Variants in FSCN2 observed in about 807,000 individuals in gnomAD.
The protein encoded by FSCN2 is fascin actin-bundling protein 2, retinal.
Under a neutral mutation model 37.8 loss-of-function variants are expected in FSCN2, and 46 were observed. The observed-to-expected ratio is 1.22, with a 90% CI of 0.96 to 1.56. The LOEUF (loss-of-function observed/expected upper bound fraction) is 1.56. FSCN2 is among the 40% of genes most tolerant of loss of function. The probability of loss-of-function intolerance (pLI) is 0.00; values close to 1 mark genes in which losing one functional copy is unlikely to be tolerated. For missense variants in FSCN2, 844 were observed against 730.4 expected, an observed-to-expected ratio of 1.16 and a Z score of -1.79; for synonymous variants, 351 against 309.4, an observed-to-expected ratio of 1.13 and a Z score of -1.41.
chr17:81,519,925 C>T, the FSCN2 span, among the ~76,000 whole-genome samples: 2 of 152,200 alleles, frequency 1.3e-5, no homozygotes, highest in Non-Finnish European at 2.9e-5. Flanking sequence ...TGCTAAGCAC[C>T]AGCTCCCAGA....
At chr17:81,515,136 C>T in the FSCN2 span, among the ~76,000 whole-genome samples, 1 of 151,706 alleles carries the variant, frequency 6.6e-6, no homozygotes, top group African/African-American at 2.4e-5. Flanking sequence ...GGCGGGCGGG[C>T]AGGGCGAGGC....
the FSCN2 span, among the ~76,000 whole-genome samples, chr17:81,517,884 T>G: frequency 6.6e-6 from 1 of 151,740 alleles, no homozygotes; most frequent in Non-Finnish European, 1.5e-5. Flanking sequence ...GAAACGGAGA[T>G]GAAACCGAGG....
the FSCN2 span, among the ~76,000 whole-genome samples, chr17:81,523,320 G>A: frequency 6.6e-5 from 10 of 152,304 alleles, no homozygotes; most frequent in East Asian, 1.3e-3. Flanking sequence ...CTGCCTTGCC[G>A]ATGGAGCCTG....
At chr17:81,525,067 C>T (rs2032310255), upstream of FSCN2, among the ~76,000 whole-genome samples, 1 of 152,134 alleles carries the variant, frequency 6.6e-6, no homozygotes, top group African/African-American at 2.4e-5. Context: ...CTGCCACTGG[C>T]CAAGATAGCG....
chr17:81,535,823 C>T (rs1250576516), intron 2 of FSCN2, among the ~76,000 whole-genome samples: 1 of 113,770 alleles, frequency 8.8e-6, no homozygotes. Flanking sequence ...CCATCACCAT[C>T]CCCCTCTCCA....
At chr17:81,521,837 A>T in the FSCN2 span, among the ~76,000 whole-genome samples, 1 of 152,200 alleles carries the variant, frequency 6.6e-6, no homozygotes, top group South Asian at 2.1e-4. Flanking sequence ...ATAACCACAG[A>T]ACAGTGATCA....
chr17:81,530,352 G>C (rs2032509789), intron 1 of FSCN2, among the ~76,000 whole-genome samples: 1 of 152,218 alleles, frequency 6.6e-6, no homozygotes, highest in African/African-American at 2.4e-5. Flanking sequence ...GCTCTCCCCA[G>C]TTCCCAGGTC....
In FSCN2 at chr17:81,536,243, C is replaced by T. The variant is rs202063383; in HGVS notation, c.1081C>T (p.Leu361=). The change falls in exon 3 of 5, where the codon CTG becomes TTG. Residue 361 remains leucine (L), a synonymous_variant. Transcript: ENST00000417245. Reference sequence around the variant, plus strand: ...CGTGTGCATGAAGAAGAATGGGCAGCTGGCGGCTATCAGCGATTTTGTCGG... The same window carrying T: ...CGTGTGCATGAAGAAGAATGGGCAGTTGGCGGCTATCAGCGATTTTGTCGG... ...RYVCMKKNGQ[L]AAISDFVGKD... The T allele has an allele frequency of 5.1e-5, 81 of 1,601,678 alleles. No homozygotes were observed. In the East Asian group the frequency reaches 1.7e-3, roughly 33 times the overall value.
At chr17:81,523,421 C>T (rs1283933456), upstream of FSCN2, among the ~76,000 whole-genome samples, 1 of 152,196 alleles carries the variant, frequency 6.6e-6, no homozygotes, top group Non-Finnish European at 1.5e-5. Flanking sequence ...GCAGCGGAGC[C>T]GATAGCTCAG....
In FSCN2 at chr17:81,536,948, CG is replaced by C. The variant is rs1568084144; in HGVS notation, c.1348del (p.Val450SerfsTer?). ...CSDGERAEDF[V>X]FEFRERGRLA... ...GCGACGGCGAACGCGCCGAGGACTT[CG>C]TCTTCGAGTTCCGTGAGCGCGGCCG... On this transcript the variant is annotated frameshift_variant, in exon 5 of 5. Coordinates refer to ENST00000417245, the MANE Select transcript of FSCN2 (RefSeq NM_012418.4). LOFTEE classifies it low-confidence loss of function (END_TRUNC). The C allele has an allele frequency of 1.9e-5, 30 of 1,566,624 alleles. No individual in the cohort carries two copies. The highest frequency in any genetic ancestry group is 2.5e-5 in the Non-Finnish European group (29 of 1,164,186).
In FSCN2 at chr17:81,528,598, T is replaced by C; in HGVS notation, c.67T>C (p.Tyr23His). The C allele has an allele frequency of 6.2e-7, 1 of 1,609,116 alleles. No homozygotes were observed. The highest frequency in any genetic ancestry group is 8.5e-7 in the Non-Finnish European group (1 of 1,178,208). ...TGGCCTCGTCAACGACACTGACCGC[T>C]ACCTGACAGCTGAGAGCTTCGGCTT... ...QFGLVNDTDR[Y>H]LTAESFGFKV... Residue 23 changes from tyrosine to histidine, a missense_variant, in exon 1 of 5, where the codon TAC becomes CAC. Tyr to His is a moderately conservative substitution (Grantham distance 83). Transcript: ENST00000417245.
the FSCN2 span, among the ~76,000 whole-genome samples, chr17:81,517,114 A>T: frequency 6.6e-6 from 1 of 151,990 alleles, no homozygotes; most frequent in East Asian, 1.9e-4. Context: ...GCTTGAATGC[A>T]CACAGACACT....
the FSCN2 span, among the ~76,000 whole-genome samples, chr17:81,522,906 G>A: frequency 6.6e-6 from 1 of 152,216 alleles, no homozygotes. Context: ...AGGTCCTGGG[G>A]CTCAGGGGTT....
chr17:81,519,364 C>A, the FSCN2 span, among the ~76,000 whole-genome samples: 3 of 152,188 alleles, frequency 2.0e-5, no homozygotes, highest in African/African-American at 7.2e-5. Context: ...AGGACCCGCA[C>A]TCAGCACGCA....
the FSCN2 span, among the ~76,000 whole-genome samples, chr17:81,516,262 ATC>A: frequency 4.3e-4 from 65 of 152,360 alleles, no homozygotes; most frequent in Non-Finnish European, 7.3e-4. Flanking sequence ...ATCAAGGTTA[ATC>A]TCTCAGTTAT....
upstream of FSCN2, among the ~76,000 whole-genome samples, chr17:81,524,391 G>T (rs1402736854): frequency 6.6e-6 from 1 of 152,222 alleles, no homozygotes; most frequent in African/African-American, 2.4e-5. Flanking sequence ...ACCGGGACAA[G>T]GCACCCCCTC....
the FSCN2 span, among the ~76,000 whole-genome samples, chr17:81,519,820 G>A: frequency 6.6e-6 from 1 of 152,212 alleles, no homozygotes; most frequent in Non-Finnish European, 1.5e-5. Context: ...CTGCGACCGA[G>A]GACAGGAGGC....
Position 81,537,049 on chromosome 17 carries a change from C to T in FSCN2, c.1448C>T (p.Ala483Val), listed in dbSNP as rs1000772945. Reference protein sequence around the residue: ...ASGLLRADADAPAGTALWEY With the variant: ...ASGLLRADADVPAGTALWEY Reference sequence around the variant, plus strand: ...GGCCTGCTGCGGGCCGATGCCGACGCCCCGGCCGGGACCGCGCTTTGGGAG... The same window carrying T: ...GGCCTGCTGCGGGCCGATGCCGACGTCCCGGCCGGGACCGCGCTTTGGGAG... The change falls in exon 5 of 5, where the codon GCC (alanine) becomes GTC (valine). Residue 483 changes from alanine (A) to valine (V), a missense_variant. Coordinates refer to ENST00000417245, the MANE Select transcript of FSCN2 (RefSeq NM_012418.4). 6.8e-6 allele frequency: 10 copies of T among 1,469,880 alleles called. No homozygotes were observed. Among genetic ancestry groups the T allele is most frequent in the Non-Finnish European group, 8.9e-6 (10 of 1,117,852 alleles). The allele number at this position is 1,469,880 out of a possible 1,614,324, so 91.1% of individuals were successfully genotyped here.
chr17:81,527,208 G>C (rs1309154293), upstream of FSCN2: 2 of 152,416 alleles, frequency 1.3e-5, no homozygotes, highest in African/African-American at 4.8e-5. Context: ...GCCCTACGGG[G>C]ACCCCCATGA....
Sources: allele counts gnomAD v4.1 joint callset (sites outside exome capture counted in the v4.1 genomes callset), GRCh38; gene constraint gnomAD v4.1.1; transcripts MANE v1.5; gene names NCBI Gene and HGNC (gene_info 2026-07-23, HGNC 2026-07-21).